Variants in KRTAP23-1 observed in about 807,000 individuals in gnomAD.
The protein encoded by KRTAP23-1 is keratin-associated protein 23-1.
For missense variants in KRTAP23-1, 70 were observed against 72.7 expected, an observed-to-expected ratio of 0.96 and a Z score of 0.13; for synonymous variants, 37 against 33.7, an observed-to-expected ratio of 1.10 and a Z score of -0.34.
At position 30,348,570 on chromosome 21, in the gene KRTAP23-1, GGGA is replaced by G. The variant is rs780077911; in HGVS notation, c.34_36del (p.Ser12del). ...TAGCACAGGTAGCCCTCACAGGAATGGGAGGAGAAGTTTCCACAGCAGCAGTTG... is the reference window on the plus strand; with the variant it reads ...TAGCACAGGTAGCCCTCACAGGAATGGGAGAAGTTTCCACAGCAGCAGTTG... On this transcript the variant is annotated inframe_deletion, in exon 1 of 1. Coordinates refer to ENST00000334160, the MANE Select transcript of KRTAP23-1 (RefSeq NM_181624.1). 3.3e-5 allele frequency: 53 copies of G among 1,613,972 alleles called. No homozygotes were observed. The highest frequency in any genetic ancestry group is 5.5e-5 in the South Asian group (5 of 91,082).
At position 30,348,590 on chromosome 21, in the gene KRTAP23-1, C is replaced by A; in HGVS notation, c.17G>T (p.Cys6Phe). 6.2e-7 allele frequency: 1 copy of A among 1,614,080 alleles called. No individual in the cohort carries two copies. The highest frequency in any genetic ancestry group is 1.3e-5 in the African/African-American group (1 of 75,046). The change falls in exon 1 of 1, where the codon TGC becomes TTC. Residue 6 changes from cysteine (C) to phenylalanine (F), a missense_variant. Coordinates refer to ENST00000334160, the MANE Select transcript of KRTAP23-1 (RefSeq NM_181624.1). MSYNC[C>F]CGNFSSHSCE... is the part of the protein sequence containing the mutation. ...GGAATGGGAGGAGAAGTTTCCACAG[C>A]AGCAGTTGTAGGACATGTTGACAGG...
rs1351759331 is a variant in KRTAP23-1, at chr21:30,348,603, A to G, written c.4T>C (p.Ser2Pro). 6.2e-7 allele frequency: 1 copy of G among 1,613,724 alleles called. No individual in the cohort carries two copies. Among genetic ancestry groups the G allele is most frequent in the African/African-American group, 1.3e-5 (1 of 74,904 alleles). Residue 2 changes from serine to proline, a missense_variant, in exon 1 of 1, where the codon TCC becomes CCC. Transcript: ENST00000334160. ...AAGTTTCCACAGCAGCAGTTGTAGG[A>G]CATGTTGACAGGAGATGTGAGTTCA... M[S>P]YNCCCGNFSS...
chr21:30,348,557 C>T lies in KRTAP23-1; in HGVS notation c.50G>A (p.Gly17Asp). 6.2e-7 allele frequency: 1 copy of T among 1,614,046 alleles called. No homozygotes were observed. Among genetic ancestry groups the T allele is most frequent in the Non-Finnish European group, 8.5e-7 (1 of 1,179,974 alleles). ...GGAGTAGCCTGAGTAGCACAGGTAGCCCTCACAGGAATGGGAGGAGAAGTT... is the reference window on the plus strand; with the variant it reads ...GGAGTAGCCTGAGTAGCACAGGTAGTCCTCACAGGAATGGGAGGAGAAGTT... ...CGNFSSHSCEGYLCYSGYSRG... is the reference protein window; with the variant it reads ...CGNFSSHSCEDYLCYSGYSRG... Residue 17 changes from glycine (G) to aspartate (D), a missense_variant, in exon 1 of 1, where the codon GGC becomes GAC. Transcript: ENST00000334160.
rs1347611391 is a variant in KRTAP23-1 at position 30,348,504 on chromosome 21, G to T, written c.103C>A (p.Leu35Met). The T allele has an allele frequency of 2.5e-6, 4 of 1,614,042 alleles. No homozygotes were observed. Among genetic ancestry groups the T allele is most frequent in the Non-Finnish European group, 3.4e-6 (4 of 1,180,012 alleles). The change falls in exon 1 of 1, where the codon CTG becomes ATG. Residue 35 changes from leucine to methionine, a missense_variant. Leu to Met is a conservative substitution (Grantham distance 15). Transcript: ENST00000334160. Reference protein sequence around the residue: ...SRGGSSYPSNLVYSTEPLISQ... With the variant: ...SRGGSSYPSNMVYSTEPLISQ... ...ATCAAAGGTTCAGTGCTGTAGACCA[G>T]GTTGCTGGGGTACGAGGAGCCACCA...
rs372253638 is a variant in KRTAP23-1, at chr21:30,348,531, G to A, written c.76C>T (p.Arg26Cys). The change falls in exon 1 of 1, where the codon CGT (arginine) becomes TGT (cysteine). Residue 26 changes from arginine to cysteine, a missense_variant. Transcript: ENST00000334160. ...TTGCTGGGGTACGAGGAGCCACCAC[G>A]GGAGTAGCCTGAGTAGCACAGGTAG... ...EGYLCYSGYS[R>C]GGSSYPSNLV... The A allele has an allele frequency of 1.8e-5, 29 of 1,613,984 alleles. No individual in the cohort carries two copies. In the East Asian group the frequency reaches 2.2e-4, roughly 12 times the overall value.
Position 30,348,531 on chromosome 21 carries a change from G to T in KRTAP23-1, c.76C>A (p.Arg26Ser). 4 of 1,614,102 alleles carry T rather than the reference G, an allele frequency of 2.5e-6. No individual in the cohort carries two copies. Among genetic ancestry groups the T allele is most frequent in the Non-Finnish European group, 3.4e-6 (4 of 1,179,998 alleles). The change falls in exon 1 of 1, where the codon CGT (arginine) becomes AGT (serine). Residue 26 changes from arginine (R) to serine (S), a missense_variant. Arg to Ser is a moderately radical substitution (Grantham distance 110, BLOSUM62 -1). Coordinates refer to ENST00000334160, the MANE Select transcript of KRTAP23-1 (RefSeq NM_181624.1). ...TTGCTGGGGTACGAGGAGCCACCAC[G>T]GGAGTAGCCTGAGTAGCACAGGTAG... is the stretch of plus-strand genomic sequence containing the variant. ...EGYLCYSGYS[R>S]GGSSYPSNLV...
Position 30,348,561 on chromosome 21 carries a change from C to T in KRTAP23-1, c.46G>A (p.Glu16Lys). The T allele has an allele frequency of 6.2e-7, 1 of 1,614,078 alleles. No individual in the cohort carries two copies. The highest frequency in any genetic ancestry group is 1.1e-5 in the South Asian group (1 of 91,080). ...TAGCCTGAGTAGCACAGGTAGCCCT[C>T]ACAGGAATGGGAGGAGAAGTTTCCA... is the stretch of plus-strand genomic sequence containing the variant. ...CCGNFSSHSC[E>K]GYLCYSGYSR... The change falls in exon 1 of 1, where the codon GAG becomes AAG. Residue 16 changes from glutamate to lysine, a missense_variant. Coordinates refer to ENST00000334160, the MANE Select transcript of KRTAP23-1 (RefSeq NM_181624.1).
Sources: gnomAD v4.1 joint callset for allele counts on GRCh38, gnomAD v4.1.1 for gene constraint, MANE v1.5 for transcripts, NCBI Gene and HGNC (gene_info 2026-07-23, HGNC 2026-07-21) for gene names.